The following MAST3 variants were observed in gnomAD, a reference collection of about 807,000 sequenced individuals.
MAST3 encodes the protein microtubule-associated serine/threonine-protein kinase 3.
In MAST3, 43 loss-of-function variants were observed where a neutral mutation model predicts 127.0. The observed-to-expected ratio is 0.34, with a 90% confidence interval of 0.27 to 0.44. The LOEUF (loss-of-function observed/expected upper bound fraction) is 0.44. Ranked by LOEUF, MAST3 falls within the 20% of genes least tolerant of loss-of-function variation. MAST3 has a pLI of 1.00. For synonymous variants in MAST3, 785 were observed against 809.2 expected (o/e 0.97, Z 0.51); for missense variants, 1,390 against 1,919.1 (o/e 0.72, Z 5.15).
intron 3 of MAST3, chr19:18,117,952 C>T (rs2039471006): frequency 4.8e-6 from 1 of 207,758 alleles, no homozygotes; most frequent in South Asian, 1.7e-4. Flanking sequence ...CGCCTCCCGA[C>T]AGGCCCCGCC....
chr19:18,144,522 C>T lies in MAST3; in HGVS notation c.2641C>T (p.His881Tyr). ...RLRSNSIGARHSTPRPLDAGR... is the reference protein window; with the variant it reads ...RLRSNSIGARYSTPRPLDAGR... ...ACGGAGCAATAGCATCGGCGCCCGA[C>T]ACTCCACACCAAGGCCTCTGGATGC... The change falls in exon 23 of 28, where the codon CAC becomes TAC. Residue 881 changes from histidine (H) to tyrosine (Y), a missense_variant. His to Tyr is a moderately conservative substitution (Grantham distance 83). Around this residue, in one of 5 missense-constraint regions of MAST3, gnomAD observed 816 missense variants for 934.1 expected, o/e 0.87. Transcript: ENST00000687212. The surrounding 1 kb of genome is among the most constrained non-coding windows in gnomAD (Gnocchi z 4.0). 6.2e-7 allele frequency: 1 copy of T among 1,609,892 alleles called. No homozygotes were observed. The highest frequency in any genetic ancestry group is 8.5e-7 in the Non-Finnish European group (1 of 1,179,212).
intron 15 of MAST3, among the ~76,000 whole-genome samples, chr19:18,132,428 A>G (rs529952846): frequency 6.6e-6 from 1 of 152,278 alleles, no homozygotes; most frequent in South Asian, 2.1e-4. Flanking sequence ...CACTTATAAG[A>G]CACCAACTAC....
intron 1 of MAST3, among the ~76,000 whole-genome samples, chr19:18,105,224 A>C (rs760921509): frequency 1.3e-5 from 2 of 152,062 alleles, no homozygotes; most frequent in African/African-American, 4.8e-5. Context: ...AAAATTAGCC[A>C]GGCATGCTGG....
chr19:18,133,657 G>A (rs557233468), intron 15 of MAST3, among the ~76,000 whole-genome samples: 3 of 148,784 alleles, frequency 2.0e-5, no homozygotes, highest in South Asian at 4.3e-4. Flanking sequence ...TGGTTCAAGC[G>A]ATTCTCCTGC....
In MAST3 at chr19:18,149,341, G is replaced by A. The variant is rs528652624; in HGVS notation, c.3659G>A (p.Ser1220Asn). 6.6e-7 allele frequency: 1 copy of A among 1,521,372 alleles called. No homozygotes were observed. The highest frequency in any genetic ancestry group is 1.4e-5 in the African/African-American group (1 of 70,070). 94.2% of individuals were successfully genotyped at this position (1,521,372 alleles called of 1,614,324 possible). The stretch of plus-strand genomic sequence containing the variant: ...AAGACTGGCCGCCGCAAGTCCACCA[G>A]CAGCATCCCGCCCTCCCCGCTGGCC... ...RPKTGRRKST[S>N]SIPPSPLACP... Residue 1220 changes from serine (S) to asparagine (N), a missense_variant, in exon 28 of 28, where the codon AGC becomes AAC. By Grantham distance (46) the Ser-to-Asn change is conservative. Coordinates refer to ENST00000687212, the MANE Select transcript of MAST3 (RefSeq NM_001393504.1). The surrounding 1 kb of genome is among the most constrained non-coding windows in gnomAD (Gnocchi z 5.9).
At position 18,112,809 on chromosome 19, in the gene MAST3, A is replaced by T. The variant is rs1314154631; in HGVS notation, c.161+2068A>T. ...AAGCCTCTGTGTCTGCCTTGGGGGGAGAAAGTTCTGCTGGGGCCAGGAATG... is the reference window on the plus strand; with the variant it reads ...AAGCCTCTGTGTCTGCCTTGGGGGGTGAAAGTTCTGCTGGGGCCAGGAATG... On this transcript the variant is annotated intron_variant, in intron 3 of 27. Coordinates refer to ENST00000687212, the MANE Select transcript of MAST3 (RefSeq NM_001393504.1). The surrounding 1 kb of genome is among the most constrained non-coding windows in gnomAD (Gnocchi z 4.1). 6.6e-6 allele frequency among the ~76,000 whole-genome samples: 1 copy of T among 151,686 alleles called. No individual in the cohort carries two copies. Among genetic ancestry groups the T allele is most frequent in the Non-Finnish European group, 1.5e-5 (1 of 67,944 alleles).
chr19:18,119,138 G>A (rs141436834), intron 3 of MAST3, among the ~76,000 whole-genome samples: 141 of 152,202 alleles, frequency 9.3e-4, no homozygotes, highest in African/African-American at 3.3e-3. Context: ...ACAAACAGTC[G>A]GCCCTGCATA....
chr19:18,148,261 A>G (rs1001012135), intron 27 of MAST3, among the ~76,000 whole-genome samples: 1 of 151,784 alleles, frequency 6.6e-6, no homozygotes, highest in Admixed American at 6.6e-5. Flanking sequence ...AGATTGAGCC[A>G]TTGCACTCCA....
chr19:18,128,768 A>G, intron 12 of MAST3, 98 bp from the exon 13 acceptor site: 1 of 919,454 alleles, frequency 1.1e-6, no homozygotes, highest in Non-Finnish European at 1.7e-6. Context: ...GGGAGGAGGT[A>G]GCATCGGGCA....
At chr19:18,141,113 C>T (rs951528189) in intron 20 of MAST3, among the ~76,000 whole-genome samples, 2 of 152,042 alleles carry the variant, frequency 1.3e-5, no homozygotes, top group Non-Finnish European at 2.9e-5. Flanking sequence ...ATTTTATAAC[C>T]TCACGAGCTT....
rs138218006 is a variant in MAST3, at chr19:18,132,413, AC to A, written c.1571+367del. Among the ~76,000 whole-genome samples the A allele has an allele frequency of 9.3e-4, 142 of 152,294 alleles. No individual in the cohort carries two copies. In the Middle Eastern group the frequency reaches 0.01, roughly 11 times the overall value. On this transcript the variant is annotated intron_variant, in intron 15 of 27. Coordinates refer to ENST00000687212, the MANE Select transcript of MAST3 (RefSeq NM_001393504.1). ...AGCTGCTGCTGCACAAGGGGAGAGA[AC>A]ATGCACTTATAAGACACCAACTACA...
At position 18,132,446 on chromosome 19, in the gene MAST3, G is replaced by C. The variant is rs543274168; in HGVS notation, c.1571+399G>C. ...TTATAAGACACCAACTACACACACAGAACAGGATTATGCAATTTGCGAGAC... is the reference window on the plus strand; with the variant it reads ...TTATAAGACACCAACTACACACACACAACAGGATTATGCAATTTGCGAGAC... On this transcript the variant is annotated intron_variant, in intron 15 of 27. Coordinates refer to ENST00000687212, the MANE Select transcript of MAST3 (RefSeq NM_001393504.1). 3.9e-5 allele frequency among the ~76,000 whole-genome samples: 6 copies of C among 152,286 alleles called. No homozygotes were observed. The South Asian group carries it at 1.0e-3, about 26-fold the overall frequency.
intron 3 of MAST3, among the ~76,000 whole-genome samples, chr19:18,111,561 G>GTTTTTTTT (rs2038642956): frequency 8.5e-6 from 1 of 117,908 alleles, no homozygotes; most frequent in African/African-American, 3.9e-5. Flanking sequence ...TTGAGGCAGA[G>GTTTTTTTT]TCTTGTTCTG....
chr19:18,103,100 C>G (rs1287322249), intron 1 of MAST3, among the ~76,000 whole-genome samples: 1 of 152,182 alleles, frequency 6.6e-6, no homozygotes, highest in Non-Finnish European at 1.5e-5. Flanking sequence ...ACAGCAGGCA[C>G]AGAGGGAGCT....
chr19:18,129,742 T>C (rs2041051014), intron 13 of MAST3, among the ~76,000 whole-genome samples: 1 of 151,144 alleles, frequency 6.6e-6, no homozygotes, highest in African/African-American at 2.4e-5. Flanking sequence ...CTGGGCAACA[T>C]GGCAAAACTC....
chr19:18,128,297 C>T, intron 11 of MAST3, 103 bp from the exon 12 acceptor site: 3 of 868,988 alleles, frequency 3.5e-6, no homozygotes, highest in Non-Finnish European at 5.4e-6. Context: ...GGAGGCACTG[C>T]ATCCCCAGCC....
At chr19:18,105,693 CA>C (rs951410337) in intron 1 of MAST3, among the ~76,000 whole-genome samples, 16 of 151,200 alleles carry the variant, frequency 1.1e-4, no homozygotes, top group East Asian at 3.9e-4. Flanking sequence ...AAAACAACAA[CA>C]AAAAAAAACC....
chr19:18,123,066 G>A, intron 6 of MAST3, 151 bp from the exon 7 acceptor site: 1 of 851,590 alleles, frequency 1.2e-6, no homozygotes, highest in Non-Finnish European at 1.9e-6. Flanking sequence ...TCAGAGCTAG[G>A]GTTTTGAGGG....
In MAST3 at chr19:18,145,320, C is replaced by T; in HGVS notation, c.3039+91C>T. 2 of 1,280,442 alleles carry T rather than the reference C, an allele frequency of 1.6e-6. No individual in the cohort carries two copies. Among genetic ancestry groups the T allele is most frequent in the Non-Finnish European group, 2.2e-6 (2 of 890,344 alleles). The allele number at this position is 1,280,442 out of a possible 1,614,324, so 79.3% of individuals were successfully genotyped here. On this transcript the variant is annotated intron_variant, in intron 24 of 27. Transcript: ENST00000687212. The surrounding 1 kb of genome is among the most constrained non-coding windows in gnomAD (Gnocchi z 5.9). ...CTCAGAGCTGCATTTTGGAGCCTGG[C>T]AGGGTTAGGTAGATAGAGCTGGTGC...
Sources: gnomAD v4.1 joint callset for allele counts (sites outside exome capture counted in the v4.1 genomes callset) on GRCh38, gnomAD v4.1.1 for gene constraint, gnomAD v4.1.1 regional missense constraint, Gnocchi (gnomAD v3.1) non-coding constraint, MANE v1.5 for transcripts, NCBI Gene and HGNC (gene_info 2026-07-23, HGNC 2026-07-21) for gene names.